The following CELSR1 variants were observed in gnomAD, a reference collection of about 807,000 sequenced individuals.
CELSR1 encodes the protein cadherin EGF LAG seven-pass G-type receptor 1, also known as adhesion G protein-coupled receptor C1.
In CELSR1, 110 loss-of-function variants were observed where a neutral mutation model predicts 249.1. That is an observed-to-expected ratio of 0.44 (90% CI 0.38 to 0.52). The LOEUF (loss-of-function observed/expected upper bound fraction) is 0.52, where lower values mean the gene tolerates loss of function less well. Ranked by LOEUF, CELSR1 falls within the 20% of genes least tolerant of loss-of-function variation. The pLI, the probability that CELSR1 is intolerant of heterozygous loss-of-function variation, is 0.00. For missense variants in CELSR1, 4,109 were observed against 4,296.4 expected (o/e 0.96, Z 1.22); for synonymous variants, 2,113 against 1,900.0 (o/e 1.11, Z -2.92).
intron 5 of CELSR1, among the ~76,000 whole-genome samples, chr22:46,418,606 C>A (rs962088466): frequency 5.3e-5 from 8 of 152,210 alleles, no homozygotes; most frequent in African/African-American, 1.9e-4. Context: ...CCGCTGAACC[C>A]GCAGGCTCTT....
At chr22:46,461,814 G>A (rs886358708) in intron 2 of CELSR1, among the ~76,000 whole-genome samples, 3 of 152,216 alleles carry the variant, frequency 2.0e-5, no homozygotes, top group South Asian at 2.1e-4. Flanking sequence ...CAGGGAAGTC[G>A]ACGAAGCGCC....
rs903538211 is a variant in CELSR1 at position 46,380,692 on chromosome 22, C to G, written c.7256+96G>C. ...AGGGGAAACACAGACCACAAGAGACCGTCCTCTTGGGGCGCTCTGCCACTG... is the reference window on the plus strand; with the variant it reads ...AGGGGAAACACAGACCACAAGAGACGGTCCTCTTGGGGCGCTCTGCCACTG... On this transcript the variant is annotated intron_variant, in intron 22 of 34. Coordinates refer to ENST00000674500, the MANE Select transcript of CELSR1 (RefSeq NM_001378328.1). The surrounding 1 kb of genome is among the most constrained non-coding windows in gnomAD (Gnocchi z 5.1). 2.1e-6 allele frequency: 3 copies of G among 1,410,350 alleles called. No individual in the cohort carries two copies. The highest frequency in any genetic ancestry group is 2.8e-5 in the African/African-American group (2 of 70,200). The allele number at this position is 1,410,350 out of a possible 1,614,324, so 87.4% of individuals were successfully genotyped here.
chr22:46,486,234 C>T lies in CELSR1; in HGVS notation c.3545-21889G>A, dbSNP rs540501968. On this transcript the variant is annotated intron_variant, in intron 1 of 34. Coordinates refer to ENST00000674500, the MANE Select transcript of CELSR1 (RefSeq NM_001378328.1). ...GATTACAGGAGTGAGCCACCGCGCC[C>T]GGCCTCAGGTACTTTTTAAAGTCAT... 4.3e-3 allele frequency among the ~76,000 whole-genome samples: 647 copies of T among 151,242 alleles called. 1 individual carries two copies. Among genetic ancestry groups the T allele is most frequent in the Non-Finnish European group, 7.0e-3 (471 of 67,698 alleles).
In CELSR1 at chr22:46,500,422, G is replaced by A. The variant is rs981361754; in HGVS notation, c.3544+33205C>T. ...CGGTAACCATGGAAACTGGCAGTCG[G>A]TGCAGGAGGGCGAACGGTTGATGGG... On this transcript the variant is annotated intron_variant, in intron 1 of 34. Coordinates refer to ENST00000674500, the MANE Select transcript of CELSR1 (RefSeq NM_001378328.1). This position sits in a 1 kb window ranked among gnomAD's most constrained non-coding sequence, Gnocchi z 4.9. Among the ~76,000 whole-genome samples the A allele has an allele frequency of 6.6e-6, 1 of 152,174 alleles. No homozygotes were observed. Among genetic ancestry groups the A allele is most frequent in the African/African-American group, 2.4e-5 (1 of 41,450 alleles).
intron 20 of CELSR1, among the ~76,000 whole-genome samples, chr22:46,383,232 AT>A (rs10718556): frequency 0.043 from 6,605 of 152,156 alleles, 483 homozygotes; most frequent in African/African-American, 0.15. Context: ...TTTAAGACAC[AT>A]GAGATAACAT....
intron 27 of CELSR1, 73 bp downstream of exon 27, chr22:46,369,106 C>A (rs776591975): frequency 2.7e-6 from 4 of 1,494,096 alleles, no homozygotes; most frequent in Non-Finnish European, 3.7e-6. Flanking sequence ...GGGGCCCCAC[C>A]CCGCAGAGAC....
intron 1 of CELSR1, among the ~76,000 whole-genome samples, chr22:46,478,111 C>T (rs895592489): frequency 1.3e-5 from 2 of 152,362 alleles, no homozygotes; most frequent in African/African-American, 4.8e-5. Flanking sequence ...CGGCCTGAGA[C>T]TCTCAGCAGG....
chr22:46,476,178 T>C (rs890972606), intron 1 of CELSR1, among the ~76,000 whole-genome samples: 1 of 152,142 alleles, frequency 6.6e-6, no homozygotes, highest in Non-Finnish European at 1.5e-5. Flanking sequence ...CCACACAACT[T>C]GTCCACAAAT....
Position 46,371,452 on chromosome 22 carries a change from G to A in CELSR1, c.7759+1431C>T, listed in dbSNP as rs375328958. Among the ~76,000 whole-genome samples the A allele has an allele frequency of 4.6e-5, 7 of 152,298 alleles. No homozygotes were observed. In the East Asian group the frequency reaches 1.3e-3, roughly 29 times the overall value. On this transcript the variant is annotated intron_variant, in intron 25 of 34. Transcript: ENST00000674500. ...TGTGAATAAAGGTAGATTTTTCTCA[G>A]TAGGGAGCAAACCAACTTTCTGATT...
At chr22:46,397,590 T>TA in intron 12 of CELSR1, 84 bp downstream of exon 12, 1 of 1,266,368 alleles carries the variant, frequency 7.9e-7, no homozygotes, top group Admixed American at 3.4e-5. Flanking sequence ...CTGGGGACGC[T>TA]AATGTCTAAA....
chr22:46,496,520 A>T (rs2080415313), intron 1 of CELSR1, among the ~76,000 whole-genome samples: 1 of 152,046 alleles, frequency 6.6e-6, no homozygotes. Context: ...GTGAGCCAAG[A>T]TCACGCCACT....
chr22:46,398,767 G>A lies in CELSR1; in HGVS notation c.5413-130C>T, dbSNP rs868032452. The A allele has an allele frequency of 6.0e-6, 4 of 667,908 alleles. No homozygotes were observed. The highest frequency in any genetic ancestry group is 9.8e-6 in the Non-Finnish European group (4 of 409,236). 41.4% of individuals were successfully genotyped at this position (667,908 alleles called of 1,614,324 possible). A position where few individuals can be genotyped will look rare whatever the true frequency, so the allele number is the denominator to read the frequency against. ...AACTCCGCAGAGCCTGAGGACATCT[G>A]GGCCTCCAAAGAGAGAGCTGGGCCC... On this transcript the variant is annotated intron_variant, in intron 10 of 34. Transcript: ENST00000674500. This position sits in a 1 kb window ranked among gnomAD's most constrained non-coding sequence, Gnocchi z 7.2.
chr22:46,405,646 T>C (rs918727551), intron 9 of CELSR1, among the ~76,000 whole-genome samples: 2 of 152,026 alleles, frequency 1.3e-5, no homozygotes. Context: ...CAGAGAGGCA[T>C]TCAGCAATCT....
In CELSR1 at chr22:46,400,449, C is replaced by T. The variant is rs572018199; in HGVS notation, c.5227-547G>A. On this transcript the variant is annotated intron_variant, in intron 9 of 34. Coordinates refer to ENST00000674500, the MANE Select transcript of CELSR1 (RefSeq NM_001378328.1). ...GGTCACGAGTTCAAGACCAGCCTGGCCAACATGGTGAAACCTGCCTCTACT... is the reference window on the plus strand; with the variant it reads ...GGTCACGAGTTCAAGACCAGCCTGGTCAACATGGTGAAACCTGCCTCTACT... Among the ~76,000 whole-genome samples the T allele has an allele frequency of 2.0e-5, 3 of 152,268 alleles. No individual in the cohort carries two copies. In the East Asian group the frequency reaches 5.8e-4, roughly 29 times the overall value.
chr22:46,510,625 G>A (rs866730502), intron 1 of CELSR1, among the ~76,000 whole-genome samples: 23 of 152,170 alleles, frequency 1.5e-4, no homozygotes, highest in African/African-American at 4.8e-4. Context: ...AGAGCGCAGC[G>A]GAAGGAAAAT....
chr22:46,410,651 TACC>T lies in CELSR1; in HGVS notation c.4770-93_4770-91del. 3.7e-6 allele frequency: 5 copies of T among 1,349,508 alleles called. No individual in the cohort carries two copies. The highest frequency in any genetic ancestry group is 5.2e-6 in the Non-Finnish European group (5 of 966,506). 83.6% of individuals were successfully genotyped at this position (1,349,508 alleles called of 1,614,324 possible). ...TCCGCAGTTGCCTCTGTGTAGCCTC[TACC>T]ACCATAACTACTTCAGAAACCAAGC... On this transcript the variant is annotated intron_variant, in intron 6 of 34. Coordinates refer to ENST00000674500, the MANE Select transcript of CELSR1 (RefSeq NM_001378328.1). The surrounding 1 kb of genome is among the most constrained non-coding windows in gnomAD (Gnocchi z 6.8).
rs561673400 is a variant in CELSR1 at position 46,374,919 on chromosome 22, TGGGAGGCGGCG to T, written c.7585-1873_7585-1863del. Among the ~76,000 whole-genome samples the T allele has an allele frequency of 3.1e-4, 47 of 152,246 alleles. No individual in the cohort carries two copies. The East Asian group carries it at 6.4e-3, about 21-fold the overall frequency. ...CGGGGCCTCGGCCTCGGGAAGCACC[TGGGAGGCGGCG>T]GGGAAGGTTGGCCCTGGCTGGTCTG... On this transcript the variant is annotated intron_variant, in intron 24 of 34. Transcript: ENST00000674500. This position sits in a 1 kb window ranked among gnomAD's most constrained non-coding sequence, Gnocchi z 4.3.
In CELSR1 at chr22:46,409,128, G is replaced by GCT; in HGVS notation, c.5092_5093dup (p.Ser1698ArgfsTer9). The GCT allele has an allele frequency of 5.6e-6, 9 of 1,613,404 alleles. No individual in the cohort carries two copies. Among genetic ancestry groups the GCT allele is most frequent in the Non-Finnish European group, 6.8e-6 (8 of 1,179,774 alleles). ...TGTTCAGGTCACTCCAGGACACGAC[G>GCT]CTCTCACCGCTGAAGAGCTGGGGGT... On this transcript the variant is annotated frameshift_variant, in exon 9 of 35. Transcript: ENST00000674500. LOFTEE classifies it high-confidence loss of function. The surrounding 1 kb of genome is among the most constrained non-coding windows in gnomAD (Gnocchi z 9.8).
chr22:46,489,139 G>A (rs1045931077), intron 1 of CELSR1, among the ~76,000 whole-genome samples: 11 of 151,970 alleles, frequency 7.2e-5, no homozygotes, highest in South Asian at 2.1e-4. Context: ...ATTATTTCCC[G>A]TTTGGAACCC....
Sources: allele counts gnomAD v4.1 joint callset (sites outside exome capture counted in the v4.1 genomes callset), GRCh38; gene constraint gnomAD v4.1.1; non-coding constraint Gnocchi (gnomAD v3.1); transcripts MANE v1.5; gene names NCBI Gene and HGNC (gene_info 2026-07-23, HGNC 2026-07-21).